The following DPP6 variants were observed in gnomAD, a reference collection of about 807,000 sequenced individuals.
DPP6 encodes A-type potassium channel modulatory protein DPP6.
Under a neutral mutation model 122.6 loss-of-function variants are expected in DPP6, and 69 were observed. The observed-to-expected ratio is 0.56, with a 90% CI of 0.46 to 0.69. The LOEUF (loss-of-function observed/expected upper bound fraction) is 0.69, where lower values mean the gene tolerates loss of function less well. DPP6 is among the 30% of genes least tolerant of loss of function. The pLI, the probability that DPP6 is intolerant of heterozygous loss-of-function variation, is 0.00. For synonymous variants in DPP6, 418 were observed against 433.1 expected, an observed-to-expected ratio of 0.97 and a Z score of 0.43; for missense variants, 928 against 1,116.9, an observed-to-expected ratio of 0.83 and a Z score of 2.41.
chr7:153,847,564 A>G, the DPP6 span, among the ~76,000 whole-genome samples: 1,255 of 152,314 alleles, frequency 8.2e-3, 14 homozygotes, highest in East Asian at 0.027. Flanking sequence ...TTTAGTTAAC[A>G]GTTACATTCA....
chr7:154,841,982 C>G (rs1028136622), intron 16 of DPP6, among the ~76,000 whole-genome samples: 1 of 152,120 alleles, frequency 6.6e-6, no homozygotes, highest in Non-Finnish European at 1.5e-5. Context: ...AAATGCTGTC[C>G]TCGGAACAAA....
intron 16 of DPP6, among the ~76,000 whole-genome samples, chr7:154,829,321 T>C (rs1249910470): frequency 1.3e-5 from 2 of 151,300 alleles, no homozygotes; most frequent in Non-Finnish European, 2.9e-5. Context: ...AGGTCGAGGC[T>C]GCAGTGAGCT....
intron 1 of DPP6, among the ~76,000 whole-genome samples, chr7:154,318,869 C>T (rs886980953): frequency 6.6e-6 from 1 of 152,160 alleles, no homozygotes; most frequent in South Asian, 2.1e-4. Context: ...CCTGGCCATT[C>T]GAGGGCCATG....
rs552571943 is a variant in DPP6 at position 153,900,343 on chromosome 7, G to A, written c.51+12609G>A. Among the ~76,000 whole-genome samples, 46 of 151,242 alleles carry A rather than the reference G, an allele frequency of 3.0e-4. 1 individual carries two copies. In the South Asian group the frequency reaches 9.6e-3, roughly 32 times the overall value. On this transcript the variant is annotated intron_variant, in intron 1 of 25. Transcript: ENST00000404039. ...AGCAATGCCCCATTCCTTGGTATGTGTTGCTATAAAGGCATACCTGAGGCT... is the reference window on the plus strand; with the variant it reads ...AGCAATGCCCCATTCCTTGGTATGTATTGCTATAAAGGCATACCTGAGGCT...
chr7:153,868,097 T>A, the DPP6 span, among the ~76,000 whole-genome samples: 1 of 152,136 alleles, frequency 6.6e-6, no homozygotes, highest in African/African-American at 2.4e-5. Context: ...ATCAAGGATA[T>A]TGGTCTAAAA....
chr7:154,667,115 G>A lies in DPP6; in HGVS notation c.681-2245G>A, dbSNP rs553210037. ...AGTACCTTTCATATGTTTGATTGAG[G>A]GCCATTTTTATGTCTTTTTGTGAAT... On this transcript the variant is annotated intron_variant, in intron 6 of 25. Transcript: ENST00000377770. Among the ~76,000 whole-genome samples the A allele has an allele frequency of 5.3e-5, 8 of 151,286 alleles. No homozygotes were observed. The South Asian group carries it at 8.4e-4, about 16-fold the overall frequency.
intron 1 of DPP6, among the ~76,000 whole-genome samples, chr7:153,941,258 C>A (rs1372769406): frequency 6.6e-6 from 1 of 152,236 alleles, no homozygotes; most frequent in Admixed American, 6.5e-5. Flanking sequence ...TGGCACCAGA[C>A]AGCCTCGGGG....
At chr7:154,398,625 T>C (rs1815302678) in intron 1 of DPP6, among the ~76,000 whole-genome samples, 1 of 152,128 alleles carries the variant, frequency 6.6e-6, no homozygotes, top group African/African-American at 2.4e-5. Flanking sequence ...TCTCTCTCTC[T>C]CTCTCCTGGT....
chr7:154,643,876 G>T lies in DPP6; in HGVS notation c.680+6003G>T, dbSNP rs111226826. Among the ~76,000 whole-genome samples, 428 of 152,264 alleles carry T rather than the reference G, an allele frequency of 2.8e-3. 4 individuals are homozygous for T. Among genetic ancestry groups the T allele is most frequent in the African/African-American group, 9.9e-3 (412 of 41,542 alleles). On this transcript the variant is annotated intron_variant, in intron 6 of 25. Transcript: ENST00000377770. ...CTGATAGCTGAGTTTTTGTTTGTTT[G>T]TTTCTTTACTTTTTAATAGATGACA...
At chr7:154,127,381 T>C (rs1023787576) in intron 1 of DPP6, among the ~76,000 whole-genome samples, 2 of 152,126 alleles carry the variant, frequency 1.3e-5, no homozygotes, top group Non-Finnish European at 2.9e-5. Flanking sequence ...TAGATTAAAA[T>C]CTGTGGTGAG....
chr7:154,841,614 G>C (rs1400265246), intron 16 of DPP6, among the ~76,000 whole-genome samples: 3 of 151,676 alleles, frequency 2.0e-5, no homozygotes, highest in Non-Finnish European at 4.4e-5. Flanking sequence ...GATTGGGAAG[G>C]TTTCCCTTAT....
chr7:153,800,491 C>T, the DPP6 span, among the ~76,000 whole-genome samples: 7 of 152,114 alleles, frequency 4.6e-5, no homozygotes, highest in Non-Finnish European at 8.8e-5. Flanking sequence ...GGACTACATT[C>T]TAATGTTCAA....
chr7:153,911,813 C>CTATT (rs1800103854), intron 1 of DPP6, among the ~76,000 whole-genome samples: 1 of 152,132 alleles, frequency 6.6e-6, no homozygotes, highest in Non-Finnish European at 1.5e-5. Flanking sequence ...GTTTTGTCAC[C>CTATT]TATTTTTAAA....
chr7:154,303,950 G>A (rs1049971256), intron 1 of DPP6, among the ~76,000 whole-genome samples: 1 of 152,154 alleles, frequency 6.6e-6, no homozygotes, highest in African/African-American at 2.4e-5. Context: ...ATTGGAAAGG[G>A]GCTGAACAAG....
intron 10 of DPP6, among the ~76,000 whole-genome samples, chr7:154,783,570 TC>T (rs1563206055): frequency 6.6e-6 from 1 of 152,158 alleles, no homozygotes; most frequent in African/African-American, 2.4e-5. Flanking sequence ...CATGGACGCC[TC>T]CCATCAGTCC....
intron 5 of DPP6, among the ~76,000 whole-genome samples, chr7:154,619,668 G>T (rs1792617558): frequency 6.6e-6 from 1 of 152,190 alleles, no homozygotes; most frequent in South Asian, 2.1e-4. Context: ...CAGCACCAAG[G>T]TTAAGTACTT....
chr7:153,996,532 G>T (rs930843787), intron 1 of DPP6, among the ~76,000 whole-genome samples: 12 of 151,452 alleles, frequency 7.9e-5, no homozygotes, highest in South Asian at 2.1e-4. Flanking sequence ...TCTGGAATAA[G>T]CAATCTTCTT....
chr7:154,593,827 TCA>T (rs1170742279), intron 5 of DPP6, among the ~76,000 whole-genome samples: 4 of 152,354 alleles, frequency 2.6e-5, no homozygotes, highest in South Asian at 2.1e-4. Flanking sequence ...CAAGTCATAC[TCA>T]CAAATGATCA....
chr7:154,116,654 T>A (rs775249049), intron 1 of DPP6, among the ~76,000 whole-genome samples: 2 of 152,238 alleles, frequency 1.3e-5, no homozygotes, highest in African/African-American at 2.4e-5. Context: ...CCAATCTACC[T>A]TTACAGAGTA....
Sources: allele counts gnomAD v4.1 joint callset (sites outside exome capture counted in the v4.1 genomes callset), GRCh38; gene constraint gnomAD v4.1.1; transcripts MANE v1.5; gene names NCBI Gene and HGNC (gene_info 2026-07-23, HGNC 2026-07-21).